PCDH9: variants seen among roughly 807,000 people sequenced by gnomAD.
PCDH9 encodes the protein protocadherin 9, also known as protocadherin-9.
In PCDH9, 24 loss-of-function variants were observed where a neutral mutation model predicts 70.6. The observed-to-expected ratio is 0.34, with a 90% CI of 0.25 to 0.48. The LOEUF (loss-of-function observed/expected upper bound fraction) is 0.48. Among genes scored for constraint, PCDH9 ranks in the 20% least tolerant of loss-of-function variants. The pLI is 0.99. For missense variants in PCDH9, 1,281 were observed against 1,503.6 expected (o/e 0.85, Z 2.45); for synonymous variants, 562 against 558.5 (o/e 1.01, Z -0.09).
At chr13:67,112,037 A>C (rs1452797012) in intron 2 of PCDH9, among the ~76,000 whole-genome samples, 2 of 152,136 alleles carry the variant, frequency 1.3e-5, no homozygotes, top group African/African-American at 4.8e-5. Flanking sequence ...TTAACAGTGC[A>C]ATTTGCTATC....
intron 2 of PCDH9, among the ~76,000 whole-genome samples, chr13:67,077,240 C>G (rs2085895645): frequency 1.3e-5 from 2 of 152,182 alleles, no homozygotes; most frequent in Admixed American, 6.6e-5. Flanking sequence ...CTCCCTGTCA[C>G]TCTCTTTTCT....
intron 4 of PCDH9, among the ~76,000 whole-genome samples, chr13:66,326,993 CT>C (rs112258035): frequency 1.5e-4 from 22 of 148,540 alleles, no homozygotes; most frequent in East Asian, 5.9e-4. Context: ...TTTTGTTTTT[CT>C]TTTTTTTTTC....
intron 2 of PCDH9, among the ~76,000 whole-genome samples, chr13:66,934,236 A>C (rs2082866059): frequency 6.6e-6 from 1 of 152,128 alleles, no homozygotes. Flanking sequence ...CACCTAAGAA[A>C]AATGCAAAAA....
At chr13:66,431,135 C>A (rs913283873) in intron 4 of PCDH9, among the ~76,000 whole-genome samples, 7 of 151,958 alleles carry the variant, frequency 4.6e-5, no homozygotes, top group African/African-American at 1.4e-4. Context: ...CTATTCAGTG[C>A]AGATCTGTGT....
At chr13:66,372,447 A>G (rs1332321714) in intron 4 of PCDH9, among the ~76,000 whole-genome samples, 2 of 151,854 alleles carry the variant, frequency 1.3e-5, no homozygotes, top group African/African-American at 4.8e-5. Flanking sequence ...CGAGAAGATC[A>G]GAAAGTAAAA....
intron 4 of PCDH9, among the ~76,000 whole-genome samples, chr13:66,326,418 G>A (rs1360697647): frequency 6.8e-5 from 10 of 146,966 alleles, no homozygotes; most frequent in Middle Eastern, 3.6e-3. Context: ...AAAAAACAAC[G>A]AAAACAATAA....
chr13:67,154,543 T>C (rs2087747432), intron 2 of PCDH9, among the ~76,000 whole-genome samples: 1 of 115,288 alleles, frequency 8.7e-6, no homozygotes, highest in African/African-American at 3.5e-5. Context: ...GCCACTACAC[T>C]CCAGACAGGG....
intron 4 of PCDH9, among the ~76,000 whole-genome samples, chr13:66,567,863 T>G (rs1048414572): frequency 1.3e-5 from 2 of 152,178 alleles, no homozygotes; most frequent in African/African-American, 4.8e-5. Flanking sequence ...TACAATTTAC[T>G]TCTTATATAA....
chr13:66,465,853 G>A (rs988277578), intron 4 of PCDH9, among the ~76,000 whole-genome samples: 9 of 151,616 alleles, frequency 5.9e-5, no homozygotes, highest in Admixed American at 4.6e-4. Flanking sequence ...TATTACTGTG[G>A]AAAATTCAAT....
intron 4 of PCDH9, among the ~76,000 whole-genome samples, chr13:66,402,828 C>G (rs77526272): frequency 0.021 from 3,238 of 152,146 alleles, 123 homozygotes; most frequent in African/African-American, 0.073. Flanking sequence ...ACAATAATGA[C>G]AGAGATAATA....
intron 2 of PCDH9, among the ~76,000 whole-genome samples, chr13:67,051,140 C>G (rs1180939621): frequency 6.6e-6 from 1 of 152,126 alleles, no homozygotes; most frequent in African/African-American, 2.4e-5. Context: ...TCCATAATAT[C>G]TACCCACCAG....
At chr13:66,795,388 T>C (rs186301034) in intron 3 of PCDH9, among the ~76,000 whole-genome samples, 384 of 152,232 alleles carry the variant, frequency 2.5e-3, no homozygotes, top group African/African-American at 8.8e-3. Flanking sequence ...ATAAGATAAA[T>C]TGATTAACAA....
intron 3 of PCDH9, among the ~76,000 whole-genome samples, chr13:66,850,521 GA>G (rs36074964): frequency 6.3e-5 from 9 of 142,108 alleles, no homozygotes; most frequent in African/African-American, 1.6e-4. Flanking sequence ...CAAAAAAACA[GA>G]AAAAAAAAAA....
rs144422144 is a variant in PCDH9, at chr13:66,414,164, A to G, written c.3341-109136T>C. 3.7e-3 allele frequency among the ~76,000 whole-genome samples: 570 copies of G among 152,284 alleles called. 2 individuals carry two copies. Among genetic ancestry groups the G allele is most frequent in the African/African-American group, 0.013 (527 of 41,568 alleles). On this transcript the variant is annotated intron_variant, in intron 4 of 4. Transcript: ENST00000377865. The stretch of plus-strand genomic sequence containing the variant: ...CATTTATTTTCATCTCTCTCCTAAC[A>G]CTTTAAATTTCACTCTGCAATTTGG...
At chr13:66,455,134 T>C (rs1041549270) in intron 4 of PCDH9, among the ~76,000 whole-genome samples, 6 of 152,012 alleles carry the variant, frequency 3.9e-5, no homozygotes, top group Middle Eastern at 3.2e-3. Context: ...AATTCAATTG[T>C]AAGTTTCATA....
At chr13:66,677,679 C>A (rs139122380) in intron 3 of PCDH9, among the ~76,000 whole-genome samples, 26 of 152,064 alleles carry the variant, frequency 1.7e-4, no homozygotes, top group Non-Finnish European at 3.1e-4. Context: ...ATGTGATGTG[C>A]CTCTTCTCCC....
chr13:66,381,461 C>G (rs962504163), intron 4 of PCDH9, among the ~76,000 whole-genome samples: 5 of 152,074 alleles, frequency 3.3e-5, no homozygotes, highest in African/African-American at 1.2e-4. Context: ...CAATTTTATT[C>G]TTGTTACACT....
At chr13:67,048,272 T>G (rs2139923902) in intron 2 of PCDH9, among the ~76,000 whole-genome samples, 1 of 152,302 alleles carries the variant, frequency 6.6e-6, no homozygotes, top group South Asian at 2.1e-4. Flanking sequence ...TGACTGGGTA[T>G]ATGTTTCCCC....
intron 4 of PCDH9, among the ~76,000 whole-genome samples, chr13:66,599,671 A>G (rs948872320): frequency 2.6e-5 from 4 of 151,660 alleles, no homozygotes; most frequent in African/African-American, 9.7e-5. Context: ...AGCTTTGATT[A>G]GTACAGTGTA....
Sources: allele counts gnomAD v4.1 joint callset (sites outside exome capture counted in the v4.1 genomes callset), GRCh38; gene constraint gnomAD v4.1.1; transcripts MANE v1.5; gene names NCBI Gene and HGNC (gene_info 2026-07-23, HGNC 2026-07-21).